The following NKX6-2 variants were observed in gnomAD, a reference collection of about 807,000 sequenced individuals.
NKX6-2 encodes homeobox protein Nkx-6.2.
In NKX6-2, 22 loss-of-function variants were observed where a neutral mutation model predicts 19.9. The ratio of observed to expected loss-of-function variants is 1.10; its 90% CI spans 0.79 to 1.58. NKX6-2 has a LOEUF of 1.58. Among genes scored for constraint, NKX6-2 ranks in the 40% most tolerant of loss-of-function variants. The pLI is 0.00. For synonymous variants in NKX6-2, 257 were observed against 204.0 expected (o/e 1.26, Z -2.21); for missense variants, 475 against 410.6 (o/e 1.16, Z -1.35).
At position 132,784,943 on chromosome 10, in the gene NKX6-2, G is replaced by A. The variant is rs778577841; in HGVS notation, c.807C>T (p.Cys269=). The A allele has an allele frequency of 6.2e-7, 1 of 1,612,250 alleles. No homozygotes were observed. Among genetic ancestry groups the A allele is most frequent in the Non-Finnish European group, 8.5e-7 (1 of 1,179,696 alleles). The part of the protein sequence containing the change: ...KPSNLALVSP[C]GGGAGDAL Reference sequence around the variant, plus strand: ...ACAAGGCGTCCCCCGCGCCGCCGCCGCACGGGCTGACCAGCGCCAAGTTCG... The same window carrying A: ...ACAAGGCGTCCCCCGCGCCGCCGCCACACGGGCTGACCAGCGCCAAGTTCG... Residue 269 remains cysteine (C), a synonymous_variant, in exon 3 of 3, where the codon TGC becomes TGT. Transcript: ENST00000368592.
At position 132,785,353 on chromosome 10, in the gene NKX6-2, T is replaced by G. The variant is rs1405085444; in HGVS notation, c.506A>C (p.Gln169Pro). The G allele has an allele frequency of 6.2e-7, 1 of 1,606,158 alleles. No homozygotes were observed. Among genetic ancestry groups the G allele is most frequent in the Admixed American group, 1.7e-5 (1 of 59,618 alleles). The change falls in exon 2 of 3, where the codon CAG becomes CCG. Residue 169 changes from glutamine (Q) to proline (P), a missense_variant. Gln to Pro is a moderately conservative substitution (Grantham distance 76, BLOSUM62 -1). Coordinates refer to ENST00000368592, the MANE Select transcript of NKX6-2 (RefSeq NM_177400.3). The surrounding 1 kb of genome is among the most constrained non-coding windows in gnomAD (Gnocchi z 5.5). Reference sequence around the variant, plus strand: ...CTCCGGGCCCGCCAGGTACTTGGTCTGCTCGAAGGTTTTCTCCAGCGCGAA... The same window carrying G: ...CTCCGGGCCCGCCAGGTACTTGGTCGGCTCGAAGGTTTTCTCCAGCGCGAA... ...QIFALEKTFE[Q>P]TKYLAGPERA...
Position 132,786,053 on chromosome 10 carries a change from A to AGCGCGGG in NKX6-2, c.-112_-106dup, listed in dbSNP as rs1003991676. On this transcript the variant is annotated 5_prime_UTR_variant, in exon 1 of 3. Transcript: ENST00000368592. ...CGCGGCCCGGGCGGGCGTCGGCTGCAGCGCGGGGCGCGGGGCGCGGGGGGC... is the reference window on the plus strand; with the variant it reads ...CGCGGCCCGGGCGGGCGTCGGCTGCAGCGCGGGGCGCGGGGCGCGGGGCGCGGGGGGC... The AGCGCGGG allele has an allele frequency of 8.1e-4, 164 of 201,758 alleles. No individual in the cohort carries two copies. Among genetic ancestry groups the AGCGCGGG allele is most frequent in the Middle Eastern group, 2.6e-3 (1 of 388 alleles). The allele number at this position is 201,758 out of a possible 1,614,324, so 12.5% of individuals were successfully genotyped here. A position where few individuals can be genotyped will look rare whatever the true frequency, so the allele number is the denominator to read the frequency against.
rs1847213964 is a variant in NKX6-2 at position 132,783,970 on chromosome 10, C to A, written c.*946G>T. On this transcript the variant is annotated 3_prime_UTR_variant, in exon 3 of 3. Coordinates refer to ENST00000368592, the MANE Select transcript of NKX6-2 (RefSeq NM_177400.3). ...TTAATTTTTAAAAATTAAAACTCAA[C>A]AGCCACGCCCATTAAGATGCAGCGA... 2.6e-5 allele frequency: 4 copies of A among 152,318 alleles called. No homozygotes were observed. Among genetic ancestry groups the A allele is most frequent in the Non-Finnish European group, 1.5e-5 (1 of 67,992 alleles). 9.4% of individuals were successfully genotyped at this position (152,318 alleles called of 1,614,324 possible).
In NKX6-2 at chr10:132,785,714, G is replaced by GC. The variant is rs765650727; in HGVS notation, c.234dup (p.Leu79AlafsTer381). ...GACGCGAGCCCGTTGAGCCGGGGCAGCCCCCCCAGGAGGCCCCCGCCCGCC... is the reference window on the plus strand; with the variant it reads ...GACGCGAGCCCGTTGAGCCGGGGCAGCCCCCCCCAGGAGGCCCCCGCCCGCC... On this transcript the variant is annotated frameshift_variant, in exon 1 of 3. Transcript: ENST00000368592. LOFTEE classifies it high-confidence loss of function. This position sits in a 1 kb window ranked among gnomAD's most constrained non-coding sequence, Gnocchi z 5.5. 59 of 1,237,686 alleles carry GC rather than the reference G, an allele frequency of 4.8e-5. No homozygotes were observed. Among genetic ancestry groups the GC allele is most frequent in the Middle Eastern group, 3.1e-4 (1 of 3,182 alleles). The allele number at this position is 1,237,686 out of a possible 1,614,324, so 76.7% of individuals were successfully genotyped here.
rs1218217257 is a variant in NKX6-2 at position 132,786,098 on chromosome 10, G to GGGGC, written c.-154_-151dup. The GGGGC allele has an allele frequency of 3.4e-4, 49 of 144,784 alleles. No homozygotes were observed. Among genetic ancestry groups the GGGGC allele is most frequent in the Admixed American group, 7.5e-4 (11 of 14,600 alleles). The allele number at this position is 144,784 out of a possible 1,614,324, so 9.0% of individuals were successfully genotyped here. A position where few individuals can be genotyped will look rare whatever the true frequency, so the allele number is the denominator to read the frequency against. The stretch of plus-strand genomic sequence containing the variant: ...GGGGGCGGGCGGGCGGCTCCGGCGC[G>GGGGC]GGGCGGGCGGGCGGGCGGCGGCGGC... On this transcript the variant is annotated 5_prime_UTR_variant, in exon 1 of 3. Transcript: ENST00000368592.
In NKX6-2 at chr10:132,785,260, C is replaced by T; in HGVS notation, c.579+20G>A. ...GACGCGGGCCCCCGGCTCTGCTCTC[C>T]CGAGCCCCGCCGCGCTCACCTTCAC... On this transcript the variant is annotated intron_variant, in intron 2 of 2. Transcript: ENST00000368592. This position sits in a 1 kb window ranked among gnomAD's most constrained non-coding sequence, Gnocchi z 5.5. The T allele has an allele frequency of 6.3e-7, 1 of 1,598,136 alleles. No homozygotes were observed. Among genetic ancestry groups the T allele is most frequent in the Non-Finnish European group, 8.5e-7 (1 of 1,173,914 alleles).
At position 132,785,942 on chromosome 10, in the gene NKX6-2, T is replaced by G; in HGVS notation, c.7A>C (p.Thr3Pro). MD[T>P]NRPGAFVLSS... ...AGCACGAACGCGCCCGGGCGGTTAG[T>G]GTCCATGGGCGCCGCCGCCGCCGGC... Residue 3 changes from threonine to proline, a missense_variant, in exon 1 of 3, where the codon ACT becomes CCT. Coordinates refer to ENST00000368592, the MANE Select transcript of NKX6-2 (RefSeq NM_177400.3). The surrounding 1 kb of genome is among the most constrained non-coding windows in gnomAD (Gnocchi z 5.5). 1 of 1,142,940 alleles carries G rather than the reference T, an allele frequency of 8.7e-7. No individual in the cohort carries two copies. The highest frequency in any genetic ancestry group is 1.1e-6 in the Non-Finnish European group (1 of 883,194). The allele number at this position is 1,142,940 out of a possible 1,614,324, so 70.8% of individuals were successfully genotyped here. A position where few individuals can be genotyped will look rare whatever the true frequency, so the allele number is the denominator to read the frequency against.
Position 132,785,661 on chromosome 10 carries a change from C to T in NKX6-2, c.288G>A (p.Ala96=). The part of the protein sequence containing the change: ...ASSAGVYFGP[A]AAVARGYPKP... ...TGGGGTAGCCGCGCGCCACAGCGGCCGCGGGCCCGAAGTAAACGCCGGCGG... is the reference window on the plus strand; with the variant it reads ...TGGGGTAGCCGCGCGCCACAGCGGCTGCGGGCCCGAAGTAAACGCCGGCGG... The change falls in exon 1 of 3, where the codon GCG becomes GCA. Residue 96 remains alanine (A), a synonymous_variant. Coordinates refer to ENST00000368592, the MANE Select transcript of NKX6-2 (RefSeq NM_177400.3). This position sits in a 1 kb window ranked among gnomAD's most constrained non-coding sequence, Gnocchi z 5.5. 7 of 1,248,954 alleles carry T rather than the reference C, an allele frequency of 5.6e-6. No individual in the cohort carries two copies. Among genetic ancestry groups the T allele is most frequent in the Non-Finnish European group, 7.0e-6 (7 of 997,942 alleles). 77.4% of individuals were successfully genotyped at this position (1,248,954 alleles called of 1,614,324 possible). A position where few individuals can be genotyped will look rare whatever the true frequency, so the allele number is the denominator to read the frequency against.
At position 132,785,604 on chromosome 10, in the gene NKX6-2, G is replaced by A. The variant is rs746473438; in HGVS notation, c.345C>T (p.Pro115=). The change falls in exon 1 of 3, where the codon CCC becomes CCT. Residue 115 remains proline (P), a synonymous_variant. Coordinates refer to ENST00000368592, the MANE Select transcript of NKX6-2 (RefSeq NM_177400.3). The surrounding 1 kb of genome is among the most constrained non-coding windows in gnomAD (Gnocchi z 5.5). The stretch of plus-strand genomic sequence containing the variant: ...CCTGCACCACGCCGGGCCAGAAGAT[G>A]GGCGGGCGCCCCGGCAGCTCGGCCA... ...KPLAELPGRP[P]IFWPGVVQGA... 288 of 1,248,374 alleles carry A rather than the reference G, an allele frequency of 2.3e-4. No homozygotes were observed. Among genetic ancestry groups the A allele is most frequent in the Non-Finnish European group, 2.5e-4 (252 of 1,000,264 alleles). 77.3% of individuals were successfully genotyped at this position (1,248,374 alleles called of 1,614,324 possible). A position where few individuals can be genotyped will look rare whatever the true frequency, so the allele number is the denominator to read the frequency against.
At position 132,785,219 on chromosome 10, in the gene NKX6-2, C is replaced by G. The variant is rs372204765; in HGVS notation, c.580-49G>C. On this transcript the variant is annotated intron_variant, in intron 2 of 2. Coordinates refer to ENST00000368592, the MANE Select transcript of NKX6-2 (RefSeq NM_177400.3). The surrounding 1 kb of genome is among the most constrained non-coding windows in gnomAD (Gnocchi z 5.5). Reference sequence around the variant, plus strand: ...GCGGCCGCGGGGCCCGGGGCTGGCGCTGGGGCCGTTCGCAGGACGCGGGCC... The same window carrying G: ...GCGGCCGCGGGGCCCGGGGCTGGCGGTGGGGCCGTTCGCAGGACGCGGGCC... The G allele has an allele frequency of 1.5e-5, 24 of 1,583,726 alleles. No homozygotes were observed. The highest frequency in any genetic ancestry group is 2.0e-5 in the Non-Finnish European group (23 of 1,166,568).
chr10:132,783,695 TCAACATTTTAAAA>T lies in NKX6-2; in HGVS notation c.*1208_*1220del, dbSNP rs1847207825. 6.6e-6 allele frequency: 1 copy of T among 152,186 alleles called. No individual in the cohort carries two copies. Among genetic ancestry groups the T allele is most frequent in the Non-Finnish European group, 1.5e-5 (1 of 68,028 alleles). 9.4% of individuals were successfully genotyped at this position (152,186 alleles called of 1,614,324 possible). A position where few individuals can be genotyped will look rare whatever the true frequency, so the allele number is the denominator to read the frequency against. ...TCTACTGTAATAAAGGATTTATCCC[TCAACATTTTAAAA>T]CGGGATTATATCAACGCTTTGCCTT... On this transcript the variant is annotated 3_prime_UTR_variant, in exon 3 of 3. Transcript: ENST00000368592.
chr10:132,785,613 C>G lies in NKX6-2; in HGVS notation c.336G>C (p.Gly112=). 1 of 1,245,572 alleles carries G rather than the reference C, an allele frequency of 8.0e-7. No individual in the cohort carries two copies. The highest frequency in any genetic ancestry group is 1.0e-6 in the Non-Finnish European group (1 of 998,660). 77.2% of individuals were successfully genotyped at this position (1,245,572 alleles called of 1,614,324 possible). Residue 112 remains glycine (G), a synonymous_variant, in exon 1 of 3, where the codon GGG becomes GGC. Coordinates refer to ENST00000368592, the MANE Select transcript of NKX6-2 (RefSeq NM_177400.3). The surrounding 1 kb of genome is among the most constrained non-coding windows in gnomAD (Gnocchi z 5.5). ...GYPKPLAELP[G]RPPIFWPGVV... ...CGCCGGGCCAGAAGATGGGCGGGCG[C>G]CCCGGCAGCTCGGCCAGGGGCTTGG...
At position 132,786,079 on chromosome 10, in the gene NKX6-2, G is replaced by A. The variant is rs1003888707; in HGVS notation, c.-131C>T. The stretch of plus-strand genomic sequence containing the variant: ...GCGCGGGGCGCGGGGCGCGGGGGGC[G>A]GGCGGGCGGCTCCGGCGCGGGGCGG... On this transcript the variant is annotated 5_prime_UTR_variant, in exon 1 of 3. Transcript: ENST00000368592. 6.5e-6 allele frequency: 1 copy of A among 153,028 alleles called. No homozygotes were observed. The highest frequency in any genetic ancestry group is 2.5e-5 in the African/African-American group (1 of 40,640). The allele number at this position is 153,028 out of a possible 1,614,324, so 9.5% of individuals were successfully genotyped here.
rs999667982 is a variant in NKX6-2 at position 132,785,527 on chromosome 10, C to G, written c.406+16G>C. On this transcript the variant is annotated intron_variant, in intron 1 of 2. Transcript: ENST00000368592. This position sits in a 1 kb window ranked among gnomAD's most constrained non-coding sequence, Gnocchi z 5.5. The stretch of plus-strand genomic sequence containing the variant: ...CCGCGCCCACCCGCCCCGCACCCCC[C>G]GCGCGGGCCACTCACCCGGGCCAGC... 4.3e-6 allele frequency: 6 copies of G among 1,382,854 alleles called. No homozygotes were observed. In the African/African-American group the frequency reaches 7.7e-5, roughly 18 times the overall value. The allele number at this position is 1,382,854 out of a possible 1,614,324, so 85.7% of individuals were successfully genotyped here.
At position 132,785,085 on chromosome 10, in the gene NKX6-2, G is replaced by T; in HGVS notation, c.665C>A (p.Ala222Asp). ...CGAGCCGCCCACCTTCAGCTTCTCGGCGTCCGAGTCCTGCTTCTTCTTGGC... is the reference window on the plus strand; with the variant it reads ...CGAGCCGCCCACCTTCAGCTTCTCGTCGTCCGAGTCCTGCTTCTTCTTGGC... ...ASAKKKQDSD[A>D]EKLKVGGSDA... is the part of the protein sequence containing the mutation. Residue 222 changes from alanine (A) to aspartate (D), a missense_variant, in exon 3 of 3, where the codon GCC (alanine) becomes GAC (aspartate). By Grantham distance (126) the Ala-to-Asp change is moderately radical (BLOSUM62 -2). Transcript: ENST00000368592. This position sits in a 1 kb window ranked among gnomAD's most constrained non-coding sequence, Gnocchi z 5.5. 6.2e-7 allele frequency: 1 copy of T among 1,610,478 alleles called. No homozygotes were observed. Among genetic ancestry groups the T allele is most frequent in the South Asian group, 1.1e-5 (1 of 91,044 alleles).
chr10:132,785,153 G>A lies in NKX6-2; in HGVS notation c.597C>T (p.Arg199=). 1 of 1,611,646 alleles carries A rather than the reference G, an allele frequency of 6.2e-7. No homozygotes were observed. The highest frequency in any genetic ancestry group is 8.5e-7 in the Non-Finnish European group (1 of 1,179,614). ...ESQVKVWFQN[R]RTKWRKRHAV... is the part of the protein sequence containing the mutation. ...CGTGCCGCTTGCGCCACTTGGTCCGGCGGTTCTGGAACCAGACCTGGGAGT... is the reference window on the plus strand; with the variant it reads ...CGTGCCGCTTGCGCCACTTGGTCCGACGGTTCTGGAACCAGACCTGGGAGT... The change falls in exon 3 of 3, where the codon CGC becomes CGT. Residue 199 remains arginine, a synonymous_variant. Coordinates refer to ENST00000368592, the MANE Select transcript of NKX6-2 (RefSeq NM_177400.3). The surrounding 1 kb of genome is among the most constrained non-coding windows in gnomAD (Gnocchi z 5.5).
rs1208260062 is a variant in NKX6-2, at chr10:132,784,072, C to G, written c.*844G>C. ...CGCAGTCACAGCCCCGCGGAGCTGG[C>G]GGCATTTCAGGGCAGGAGACGGGTC... On this transcript the variant is annotated 3_prime_UTR_variant, in exon 3 of 3. Coordinates refer to ENST00000368592, the MANE Select transcript of NKX6-2 (RefSeq NM_177400.3). The G allele has an allele frequency of 6.6e-6, 1 of 152,238 alleles. No individual in the cohort carries two copies. The highest frequency in any genetic ancestry group is 1.5e-5 in the Non-Finnish European group (1 of 68,018). 9.4% of individuals were successfully genotyped at this position (152,238 alleles called of 1,614,324 possible). A position where few individuals can be genotyped will look rare whatever the true frequency, so the allele number is the denominator to read the frequency against.
At position 132,784,101 on chromosome 10, in the gene NKX6-2, CG is replaced by C. The variant is rs1591014166; in HGVS notation, c.*814del. On this transcript the variant is annotated 3_prime_UTR_variant, in exon 3 of 3. Coordinates refer to ENST00000368592, the MANE Select transcript of NKX6-2 (RefSeq NM_177400.3). ...ATTTCAGGGCAGGAGACGGGTCCCC[CG>C]AGCCCCCGGCTGGGCGCTGCGGGCC... The C allele has an allele frequency of 1.3e-5, 2 of 152,328 alleles. No individual in the cohort carries two copies. Among genetic ancestry groups the C allele is most frequent in the Admixed American group, 6.5e-5 (1 of 15,306 alleles). The allele number at this position is 152,328 out of a possible 1,614,324, so 9.4% of individuals were successfully genotyped here.
Position 132,784,732 on chromosome 10 carries a change from C to CGG in NKX6-2, c.*182_*183dup. On this transcript the variant is annotated 3_prime_UTR_variant, in exon 3 of 3. Transcript: ENST00000368592. ...CCCGAGGCGGGCGCAGGGGCGAAGC[C>CGG]GGGGCCGGGGAGGGGCCGCCTCGCT... 1.7e-6 allele frequency: 1 copy of CGG among 590,586 alleles called. No homozygotes were observed. Among genetic ancestry groups the CGG allele is most frequent in the Non-Finnish European group, 2.9e-6 (1 of 343,924 alleles). 36.6% of individuals were successfully genotyped at this position (590,586 alleles called of 1,614,324 possible).
Sources: allele counts gnomAD v4.1 joint callset, GRCh38; gene constraint gnomAD v4.1.1; non-coding constraint Gnocchi (gnomAD v3.1); transcripts MANE v1.5; gene names NCBI Gene and HGNC (gene_info 2026-07-23, HGNC 2026-07-21).